Variants in TMEM131 observed in about 807,000 individuals in gnomAD.
TMEM131 encodes transmembrane protein 131, also known as 2610524E03Rik.
TMEM131 carries 66 observed loss-of-function variants against 211.6 expected under a neutral mutation model. The ratio of observed to expected loss-of-function variants is 0.31; its 90% confidence interval spans 0.26 to 0.38. The LOEUF (loss-of-function observed/expected upper bound fraction) is 0.38, where lower values mean the gene tolerates loss of function less well. Ranked by LOEUF, TMEM131 falls within the 10% of genes least tolerant of loss-of-function variation. The pLI is 1.00. For missense variants in TMEM131, 2,036 were observed against 2,299.3 expected (o/e 0.89, Z 2.34); for synonymous variants, 844 against 841.3 (o/e 1.00, Z -0.06).
At chr2:97,883,529 T>C (rs1675020156) in intron 4 of TMEM131, among the ~76,000 whole-genome samples, 1 of 152,210 alleles carries the variant, frequency 6.6e-6, no homozygotes, top group African/African-American at 2.4e-5. Flanking sequence ...CTGATTCTTT[T>C]ATTTCTTTAA....
intron 1 of TMEM131, among the ~76,000 whole-genome samples, chr2:97,936,492 G>A (rs948734872): frequency 7.2e-5 from 11 of 152,280 alleles, no homozygotes; most frequent in South Asian, 2.1e-4. Context: ...ACATATGTAC[G>A]CAAATACACA....
At chr2:97,778,547 T>C (rs1053670881) in intron 31 of TMEM131, among the ~76,000 whole-genome samples, 23 of 149,484 alleles carry the variant, frequency 1.5e-4, no homozygotes, top group South Asian at 1.3e-3. Context: ...CAAGACTTCA[T>C]CTCAAAAAAA....
At chr2:97,790,272 G>A (rs1680440844) in intron 31 of TMEM131, among the ~76,000 whole-genome samples, 1 of 151,264 alleles carries the variant, frequency 6.6e-6, no homozygotes, top group African/African-American at 2.4e-5. Flanking sequence ...TTTAAAGACT[G>A]TCTGTCTATA....
chr2:97,776,527 G>A (rs1265686959), intron 31 of TMEM131, among the ~76,000 whole-genome samples: 9 of 152,150 alleles, frequency 5.9e-5, no homozygotes, highest in Admixed American at 5.9e-4. Flanking sequence ...ACTTTACTGA[G>A]ATACAACTTA....
intron 4 of TMEM131, among the ~76,000 whole-genome samples, chr2:97,887,181 G>A (rs1179734403): frequency 6.6e-6 from 1 of 152,258 alleles, no homozygotes; most frequent in African/African-American, 2.4e-5. Context: ...AGTCTGCTCA[G>A]CTGGCCCGAG....
chr2:97,812,361 C>G (rs554566512), intron 17 of TMEM131, 60 bp downstream of exon 17: 2 of 1,527,972 alleles, frequency 1.3e-6, no homozygotes, highest in South Asian at 2.5e-5. Context: ...TAGCAATGAT[C>G]TTCCACTTGC....
chr2:97,957,757 G>A (rs1678637108), intron 1 of TMEM131, among the ~76,000 whole-genome samples: 1 of 152,054 alleles, frequency 6.6e-6, no homozygotes, highest in Non-Finnish European at 1.5e-5. Context: ...CAAGTATGTT[G>A]ACAAATAATG....
chr2:97,900,083 C>T (rs978944523), intron 3 of TMEM131, among the ~76,000 whole-genome samples: 19 of 152,118 alleles, frequency 1.2e-4, no homozygotes, highest in African/African-American at 4.1e-4. Flanking sequence ...CATTAGACTA[C>T]TGTTGGGCAA....
At chr2:97,760,996 C>A (rs983960263) in intron 36 of TMEM131, 82 bp from the exon 37 acceptor site, 2 of 1,566,358 alleles carry the variant, frequency 1.3e-6, no homozygotes, top group East Asian at 2.2e-5. Context: ...CAGGACTGAG[C>A]CCTGAGTGGG....
At chr2:97,975,096 A>G (rs1322781564) in intron 1 of TMEM131, among the ~76,000 whole-genome samples, 1 of 152,190 alleles carries the variant, frequency 6.6e-6, no homozygotes, top group East Asian at 1.9e-4. Context: ...TGTCATACCA[A>G]GTATGGTCTC....
At chr2:97,864,792 G>C (rs954731811) in intron 4 of TMEM131, among the ~76,000 whole-genome samples, 2 of 152,212 alleles carry the variant, frequency 1.3e-5, no homozygotes, top group African/African-American at 4.8e-5. Flanking sequence ...GACAACGAGA[G>C]GCTAGGCTAT....
rs112745825 is a variant in TMEM131, at chr2:97,880,180, C to T, written c.359+7872G>A. On this transcript the variant is annotated intron_variant, in intron 4 of 40. Coordinates refer to ENST00000186436, the MANE Select transcript of TMEM131 (RefSeq NM_015348.2). ...GGGGAGACTCAAGGTATGAATAACA[C>T]GCCCAGCCCTTATGAAGATCAGTGC... Among the ~76,000 whole-genome samples the T allele has an allele frequency of 1.4e-3, 214 of 149,842 alleles. 1 individual carries two copies. Among genetic ancestry groups the T allele is most frequent in the African/African-American group, 5.0e-3 (203 of 40,608 alleles).
chr2:97,771,081 C>A (rs1465369220), intron 33 of TMEM131, among the ~76,000 whole-genome samples: 1 of 152,040 alleles, frequency 6.6e-6, no homozygotes, highest in Non-Finnish European at 1.5e-5. Context: ...GAGGTGGTCT[C>A]CTTTTCTCTC....
At chr2:97,950,664 AAATCATGTAGAAGTTG>A (rs1364923004) in intron 1 of TMEM131, among the ~76,000 whole-genome samples, 2 of 152,118 alleles carry the variant, frequency 1.3e-5, no homozygotes, top group Admixed American at 6.6e-5. Context: ...GGTTTCTCAG[AAATCATGTAGAAGTTG>A]AATGAGTTCA....
At chr2:97,881,695 G>T (rs372744525) in intron 4 of TMEM131, among the ~76,000 whole-genome samples, 1 of 112,524 alleles carries the variant, frequency 8.9e-6, no homozygotes, top group Non-Finnish European at 1.7e-5. Flanking sequence ...AGGCCTAAAG[G>T]CTGGATAACT....
intron 3 of TMEM131, among the ~76,000 whole-genome samples, chr2:97,898,960 C>G (rs554473658): frequency 1.3e-5 from 2 of 151,620 alleles, no homozygotes; most frequent in African/African-American, 4.8e-5. Flanking sequence ...GGTCAAGTTA[C>G]TTAATAGTGT....
intron 17 of TMEM131, among the ~76,000 whole-genome samples, chr2:97,811,528 G>T (rs1681547745): frequency 6.6e-6 from 1 of 152,194 alleles, no homozygotes; most frequent in Non-Finnish European, 1.5e-5. Context: ...TATGGCCAAA[G>T]GGGCTGGAGC....
At chr2:97,882,832 A>G (rs1674992283) in intron 4 of TMEM131, among the ~76,000 whole-genome samples, 1 of 152,180 alleles carries the variant, frequency 6.6e-6, no homozygotes, top group Non-Finnish European at 1.5e-5. Context: ...ATCCACTTCT[A>G]CACTTGCGAG....
At chr2:97,895,966 G>A (rs1275719614) in intron 3 of TMEM131, among the ~76,000 whole-genome samples, 5 of 151,926 alleles carry the variant, frequency 3.3e-5, no homozygotes, top group Admixed American at 6.6e-5. Context: ...TTATGGTGTC[G>A]ATTCTAGATC....
Sources: allele counts gnomAD v4.1 joint callset (sites outside exome capture counted in the v4.1 genomes callset), GRCh38; gene constraint gnomAD v4.1.1; transcripts MANE v1.5; gene names NCBI Gene and HGNC (gene_info 2026-07-23, HGNC 2026-07-21).